Variants in CA8 observed in about 807,000 individuals in gnomAD.
CA8 encodes carbonic anhydrase-related protein.
CA8 carries 22 observed loss-of-function variants against 41.4 expected under a neutral mutation model. The observed-to-expected ratio is 0.53, with a 90% CI of 0.38 to 0.76. The LOEUF is 0.76. CA8 is among the 30% of genes least tolerant of loss of function. The pLI, the probability that CA8 is intolerant of heterozygous loss-of-function variation, is 0.00. For synonymous variants in CA8, 121 were observed against 130.6 expected, an observed-to-expected ratio of 0.93 and a Z score of 0.50; for missense variants, 270 against 352.8, an observed-to-expected ratio of 0.77 and a Z score of 1.88.
intron 7 of CA8, among the ~76,000 whole-genome samples, chr8:60,210,550 GT>G (rs1311673032): frequency 6.6e-6 from 1 of 151,488 alleles, no homozygotes; most frequent in African/African-American, 2.4e-5. Context: ...CATACATAGA[GT>G]TGGAAAAAAA....
Position 60,224,571 on chromosome 8 carries a change from T to C in CA8, c.591A>G (p.Thr197=). ...QDIQYKGKSK[T]IPCFNPNTLL... ...AAGTGTTAGGATTAAAGCAAGGTAT[T>C]GTTTTGGACTTCCCCTGAAAAAGAA... Residue 197 remains threonine, a synonymous_variant, in exon 6 of 9, where the codon ACA becomes ACG. Coordinates refer to ENST00000317995, the MANE Select transcript of CA8 (RefSeq NM_004056.6). The C allele has an allele frequency of 3.8e-6, 6 of 1,572,412 alleles. No homozygotes were observed. The highest frequency in any genetic ancestry group is 2.6e-6 in the Non-Finnish European group (3 of 1,143,316).
intron 8 of CA8, among the ~76,000 whole-genome samples, chr8:60,197,634 A>G (rs1386111241): frequency 6.6e-6 from 1 of 152,208 alleles, no homozygotes; most frequent in Admixed American, 6.5e-5. Context: ...CAGGGCCTCC[A>G]TATCCATCAC....
At chr8:60,191,063 T>C (rs1450017428) in intron 8 of CA8, among the ~76,000 whole-genome samples, 1 of 151,482 alleles carries the variant, frequency 6.6e-6, no homozygotes, top group Middle Eastern at 3.2e-3. Flanking sequence ...TGCTGGGTTA[T>C]GTATTTCCAA....
At chr8:60,260,470 C>T (rs570723712) in intron 3 of CA8, among the ~76,000 whole-genome samples, 1 of 152,294 alleles carries the variant, frequency 6.6e-6, no homozygotes, top group Admixed American at 6.5e-5. Flanking sequence ...CATCAAAACT[C>T]CTTATATCAT....
intron 7 of CA8, among the ~76,000 whole-genome samples, 167 bp from the exon 8 acceptor site, chr8:60,209,086 C>G (rs72663294): frequency 7.7e-4 from 116 of 151,164 alleles, no homozygotes; most frequent in Non-Finnish European, 1.4e-3. Context: ...TCTTCCAGAC[C>G]TAAGACGTTA....
chr8:60,231,644 C>T (rs1404081684), intron 4 of CA8, among the ~76,000 whole-genome samples: 1 of 152,122 alleles, frequency 6.6e-6, no homozygotes, highest in African/African-American at 2.4e-5. Flanking sequence ...AAATCTTTTA[C>T]GATGTCAAAC....
At chr8:60,222,422 A>G (rs1412919264) in intron 7 of CA8, among the ~76,000 whole-genome samples, 1 of 152,224 alleles carries the variant, frequency 6.6e-6, no homozygotes, top group Non-Finnish European at 1.5e-5. Context: ...AGTGATTTCT[A>G]TTAACTCTCT....
chr8:60,280,998 A>C (rs2130643917), intron 1 of CA8, 50 bp downstream of exon 1: 1 of 1,379,350 alleles, frequency 7.2e-7, no homozygotes, highest in East Asian at 2.3e-5. Flanking sequence ...GCTCGGCGAG[A>C]CACTGACGCC....
chr8:60,277,036 C>T (rs769027323), intron 2 of CA8, among the ~76,000 whole-genome samples: 18 of 151,250 alleles, frequency 1.2e-4, no homozygotes, highest in Non-Finnish European at 2.5e-4. Context: ...AAGAGAATCA[C>T]TTGAACCTGG....
At chr8:60,224,507 T>C in intron 6 of CA8, 30 bp downstream of exon 6, 1 of 1,344,366 alleles carries the variant, frequency 7.4e-7, no homozygotes, top group Non-Finnish European at 1.1e-6. Flanking sequence ...ACAGTTAAAA[T>C]TCATTTTATG....
intron 7 of CA8, among the ~76,000 whole-genome samples, chr8:60,209,524 T>A (rs1806759588): frequency 6.6e-6 from 1 of 152,222 alleles, no homozygotes; most frequent in African/African-American, 2.4e-5. Flanking sequence ...AAAGGTTTTA[T>A]GCCTATCTAT....
At chr8:60,234,859 T>A (rs958775432) in intron 3 of CA8, among the ~76,000 whole-genome samples, 5 of 152,122 alleles carry the variant, frequency 3.3e-5, no homozygotes, top group African/African-American at 1.2e-4. Context: ...CTCTTGAAGG[T>A]CCTTTCTCTC....
At chr8:60,201,805 T>C (rs1474156491) in intron 8 of CA8, among the ~76,000 whole-genome samples, 4 of 152,202 alleles carry the variant, frequency 2.6e-5, no homozygotes, top group African/African-American at 9.6e-5. Context: ...ATTGGTCAAC[T>C]AGGTTTACTT....
chr8:60,233,238 C>T (rs181581275), intron 3 of CA8, among the ~76,000 whole-genome samples: 16 of 152,282 alleles, frequency 1.1e-4, no homozygotes, highest in Non-Finnish European at 2.4e-4. Context: ...CTTACAACGT[C>T]GCCTTATTTT....
intron 2 of CA8, among the ~76,000 whole-genome samples, chr8:60,270,533 A>C (rs539266663): frequency 5.3e-4 from 81 of 152,278 alleles, no homozygotes; most frequent in Admixed American, 4.6e-3. Context: ...CTCCTGCCTC[A>C]GTCTCCCTAG....
intron 8 of CA8, among the ~76,000 whole-genome samples, chr8:60,195,530 T>G (rs114051237): frequency 0.018 from 2,694 of 152,284 alleles, 83 homozygotes; most frequent in African/African-American, 0.061. Context: ...ATCTCCAAAA[T>G]AGAGTCTTTT....
intron 3 of CA8, among the ~76,000 whole-genome samples, chr8:60,237,411 T>C (rs1321331145): frequency 6.6e-6 from 1 of 152,248 alleles, no homozygotes; most frequent in Non-Finnish European, 1.5e-5. Flanking sequence ...AACTGGATTA[T>C]AGTTTAGACC....
intron 3 of CA8, among the ~76,000 whole-genome samples, chr8:60,254,426 A>T (rs766112182): frequency 2.0e-5 from 3 of 152,202 alleles, no homozygotes; most frequent in Non-Finnish European, 4.4e-5. Context: ...CCTTTAATAT[A>T]GTCAGTCTCT....
In CA8 at chr8:60,233,230, TACA is replaced by T. The variant is rs1374166985; in HGVS notation, c.418-854_418-852del. Among the ~76,000 whole-genome samples, 3 of 152,364 alleles carry T rather than the reference TACA, an allele frequency of 2.0e-5. No homozygotes were observed. The East Asian group carries it at 5.8e-4, about 29-fold the overall frequency. ...TCATCGTTATAATTACTTACCGCCT[TACA>T]ACGTCGCCTTATTTTAAAATTAGTT... is the stretch of plus-strand genomic sequence containing the variant. On this transcript the variant is annotated intron_variant, in intron 3 of 8. Transcript: ENST00000317995.
Sources: allele counts gnomAD v4.1 joint callset (sites outside exome capture counted in the v4.1 genomes callset), GRCh38; gene constraint gnomAD v4.1.1; transcripts MANE v1.5; gene names NCBI Gene and HGNC (gene_info 2026-07-23, HGNC 2026-07-21).